The following CD300LG variants were observed in gnomAD, a reference collection of about 807,000 sequenced individuals.
The protein encoded by CD300LG is CMRF35-like molecule 9.
Under a neutral mutation model 31.5 loss-of-function variants are expected in CD300LG, and 29 were observed. The observed-to-expected ratio is 0.92, with a 90% confidence interval of 0.68 to 1.25. The LOEUF is 1.25. Among genes scored for constraint, CD300LG ranks in the 50% most tolerant of loss-of-function variants. CD300LG has a pLI of 0.00. For synonymous variants in CD300LG, 175 were observed against 177.2 expected (o/e 0.99, Z 0.10); for missense variants, 396 against 417.6 (o/e 0.95, Z 0.45).
intron 1 of CD300LG, 96 bp downstream of exon 1, chr17:43,847,355 T>C: frequency 7.5e-7 from 1 of 1,332,004 alleles, no homozygotes; most frequent in Non-Finnish European, 1.0e-6. Context: ...CCACCCCACC[T>C]ATCCTCAGCC....
At chr17:43,861,719 G>C in intron 6 of CD300LG, 79 bp from the exon 7 acceptor site, 1 of 904,792 alleles carries the variant, frequency 1.1e-6, no homozygotes, top group Admixed American at 3.2e-5. Context: ...GGACGCAGCA[G>C]CTACCTGGGG....
intron 4 of CD300LG, among the ~76,000 whole-genome samples, chr17:43,854,834 C>T (rs2143367690): frequency 6.6e-6 from 1 of 152,282 alleles, no homozygotes; most frequent in South Asian, 2.1e-4. Context: ...TGGTGCCTGG[C>T]ATGTGTGTGG....
At position 43,847,192 on chromosome 17, in the gene CD300LG, G is replaced by T. The variant is rs764234967; in HGVS notation, c.-25G>T. 1.2e-6 allele frequency: 2 copies of T among 1,613,232 alleles called. No homozygotes were observed. The highest frequency in any genetic ancestry group is 8.5e-7 in the Non-Finnish European group (1 of 1,179,568). On this transcript the variant is annotated 5_prime_UTR_variant, in exon 1 of 7. Transcript: ENST00000317310. ...GAGGAGCTCACAGTTCCCAGCGTCTGCTCCCACGGTGTCCAGCGCCCAGAA... is the reference window on the plus strand; with the variant it reads ...GAGGAGCTCACAGTTCCCAGCGTCTTCTCCCACGGTGTCCAGCGCCCAGAA...
intron 6 of CD300LG, chr17:43,857,802 T>C (rs2046568667): frequency 6.5e-7 from 1 of 1,537,142 alleles, no homozygotes; most frequent in Non-Finnish European, 8.7e-7. Flanking sequence ...CTCCCTGATG[T>C]TTTCTCTGAG....
At position 43,847,310 on chromosome 17, in the gene CD300LG, C is replaced by T. The variant is rs751222261; in HGVS notation, c.43+51C>T. 2.5e-6 allele frequency: 4 copies of T among 1,583,542 alleles called. No individual in the cohort carries two copies. The African/African-American group carries it at 4.1e-5, about 16-fold the overall frequency. On this transcript the variant is annotated intron_variant, in intron 1 of 6. Transcript: ENST00000317310. ...GGGATGTGGGGCTCACCCTTGTGGT[C>T]TGCAGGGAAAGGACCTCTTGACTGA...
chr17:43,860,713 G>A (rs1023600608), intron 6 of CD300LG, among the ~76,000 whole-genome samples: 2 of 152,224 alleles, frequency 1.3e-5, no homozygotes, highest in African/African-American at 4.8e-5. Flanking sequence ...GTTATTCGAC[G>A]AATCTTTGGC....
Position 43,862,391 on chromosome 17 carries a change from A to G in CD300LG, c.*480A>G, listed in dbSNP as rs2046670135. 6.6e-6 allele frequency: 1 copy of G among 152,038 alleles called. No homozygotes were observed. The highest frequency in any genetic ancestry group is 1.5e-5 in the Non-Finnish European group (1 of 68,084). 9.4% of individuals were successfully genotyped at this position (152,038 alleles called of 1,614,324 possible). A position where few individuals can be genotyped will look rare whatever the true frequency, so the allele number is the denominator to read the frequency against. The stretch of plus-strand genomic sequence containing the variant: ...AGGAGCATGCTGGGGTGAGACTGGG[A>G]TTCTGGCTTCTCTTTGAACCACCTG... On this transcript the variant is annotated 3_prime_UTR_variant, in exon 7 of 7. Coordinates refer to ENST00000317310, the MANE Select transcript of CD300LG (RefSeq NM_145273.4).
Position 43,855,336 on chromosome 17 carries a change from G to C in CD300LG, c.832+17G>C, listed in dbSNP as rs1244233705. ...GAAAGGAAGGTGAGCAAAGGTGGGC[G>C]GCAGGAAGGCGGGAGGCTCACTGGG... On this transcript the variant is annotated intron_variant, in intron 5 of 6. Transcript: ENST00000317310. The C allele has an allele frequency of 6.7e-7, 1 of 1,485,938 alleles. No homozygotes were observed. Among genetic ancestry groups the C allele is most frequent in the Non-Finnish European group, 9.0e-7 (1 of 1,111,724 alleles). 92.0% of individuals were successfully genotyped at this position (1,485,938 alleles called of 1,614,324 possible).
At chr17:43,854,190 AG>A in intron 4 of CD300LG, 146 bp downstream of exon 4, 2 of 660,928 alleles carry the variant, frequency 3.0e-6, no homozygotes, top group Non-Finnish European at 5.2e-6. Context: ...AGTCCCTCAC[AG>A]GGGCCCTTGA....
intron 1 of CD300LG, among the ~76,000 whole-genome samples, chr17:43,847,932 G>A (rs1369608018): frequency 6.6e-6 from 1 of 151,734 alleles, no homozygotes; most frequent in Non-Finnish European, 1.5e-5. Context: ...CTGGGCAACA[G>A]AGTGAGATCC....
intron 6 of CD300LG, among the ~76,000 whole-genome samples, chr17:43,859,466 C>G (rs2046608836): frequency 6.6e-6 from 1 of 152,168 alleles, no homozygotes; most frequent in South Asian, 2.1e-4. Flanking sequence ...GCAAATCACA[C>G]CAGACTTGCG....
At chr17:43,855,163 C>A in intron 4 of CD300LG, 44 bp from the exon 5 acceptor site, 2 of 1,393,384 alleles carry the variant, frequency 1.4e-6, no homozygotes, top group Non-Finnish European at 2.0e-6. Context: ...TAGACTCTGG[C>A]TTATCTGGTA....
Position 43,857,496 on chromosome 17 carries a change from A to T in CD300LG, c.885+340A>T, listed in dbSNP as rs957327426. On this transcript the variant is annotated intron_variant, in intron 6 of 6. Transcript: ENST00000317310. Reference sequence around the variant, plus strand: ...GAACATCAGAGCTGGATCCAGATGAAGCCTTTGAGATCTCTAGCCTGACTT... The same window carrying T: ...GAACATCAGAGCTGGATCCAGATGATGCCTTTGAGATCTCTAGCCTGACTT... 8.5e-6 allele frequency: 13 copies of T among 1,523,050 alleles called. No homozygotes were observed. The African/African-American group carries it at 1.2e-4, about 14-fold the overall frequency. The allele number at this position is 1,523,050 out of a possible 1,614,324, so 94.3% of individuals were successfully genotyped here.
At chr17:43,847,824 C>T (rs1239716125) in intron 1 of CD300LG, among the ~76,000 whole-genome samples, 1 of 152,144 alleles carries the variant, frequency 6.6e-6, no homozygotes, top group African/African-American at 2.4e-5. Context: ...TGGTGGTGCA[C>T]ACTTGTAGTC....
chr17:43,857,008 T>A, intron 5 of CD300LG, 96 bp from the exon 6 acceptor site: 1 of 1,233,854 alleles, frequency 8.1e-7, no homozygotes, highest in Non-Finnish European at 1.2e-6. Context: ...CCTGCTCCCG[T>A]GTGCAAGGGG....
Position 43,848,904 on chromosome 17 carries a change from T to C in CD300LG, c.379+11T>C, listed in dbSNP as rs754118437. 1 of 1,601,834 alleles carries C rather than the reference T, an allele frequency of 6.2e-7. No homozygotes were observed. Among genetic ancestry groups the C allele is most frequent in the Non-Finnish European group, 8.5e-7 (1 of 1,170,286 alleles). On this transcript the variant is annotated intron_variant, in intron 2 of 6. Coordinates refer to ENST00000317310, the MANE Select transcript of CD300LG (RefSeq NM_145273.4). The stretch of plus-strand genomic sequence containing the variant: ...TGTTCGTCTTTCCAGGTAACAGATA[T>C]CTCTCCTTCCCCAGGCTGGGGACAG...
chr17:43,855,093 A>T, intron 4 of CD300LG, 114 bp from the exon 5 acceptor site: 1 of 174,676 alleles, frequency 5.7e-6, no homozygotes, highest in Non-Finnish European at 1.1e-5. Flanking sequence ...TGCTGCATTG[A>T]ATTGGATTCC....
intron 4 of CD300LG, among the ~76,000 whole-genome samples, chr17:43,854,835 A>C (rs2046465713): frequency 6.6e-6 from 1 of 152,272 alleles, no homozygotes; most frequent in South Asian, 2.1e-4. Context: ...GGTGCCTGGC[A>C]TGTGTGTGGC....
At chr17:43,857,757 C>T in intron 6 of CD300LG, 1 of 1,536,380 alleles carries the variant, frequency 6.5e-7, no homozygotes, top group Non-Finnish European at 8.7e-7. Context: ...GAACAGGACC[C>T]AGATTTCTTG....
Sources: allele counts gnomAD v4.1 joint callset (sites outside exome capture counted in the v4.1 genomes callset), GRCh38; gene constraint gnomAD v4.1.1; transcripts MANE v1.5; gene names NCBI Gene and HGNC (gene_info 2026-07-23, HGNC 2026-07-21).